The following ADGRB2 variants were observed in gnomAD, a reference collection of about 807,000 sequenced individuals.
The protein encoded by ADGRB2 is brain-specific angiogenesis inhibitor 2.
ADGRB2 carries 47 observed loss-of-function variants against 178.7 expected under a neutral mutation model. The observed-to-expected ratio is 0.26, with a 90% CI of 0.21 to 0.34. The LOEUF (loss-of-function observed/expected upper bound fraction) is 0.34, where lower values mean the gene tolerates loss of function less well. Among genes scored for constraint, ADGRB2 ranks in the 10% least tolerant of loss-of-function variants. The pLI is 1.00. For missense variants in ADGRB2, 1,584 were observed against 2,180.8 expected (o/e 0.73, Z 5.45); for synonymous variants, 870 against 912.4 (o/e 0.95, Z 0.84).
Position 31,735,869 on chromosome 1 carries a change from G to A in ADGRB2, c.3225C>T (p.Gly1075=), listed in dbSNP as rs773178898. Residue 1075 remains glycine (G), a synonymous_variant, in exon 23 of 33, where the codon GGC becomes GGT. Transcript: ENST00000373658. The surrounding 1 kb of genome is among the most constrained non-coding windows in gnomAD (Gnocchi z 6.0). ...CAGGGCCCACAAAGGCGTAGAGCAG[G>A]CCGCCCTCCAGGGAGAGCCAGCAGC... ...SSYCWLSLEG[G]LLYAFVGPAA... 5 of 1,605,214 alleles carry A rather than the reference G, an allele frequency of 3.1e-6. No individual in the cohort carries two copies. The highest frequency in any genetic ancestry group is 4.3e-6 in the Non-Finnish European group (5 of 1,175,820).
intron 15 of ADGRB2, 167 bp downstream of exon 15, chr1:31,739,141 G>A: frequency 1.1e-6 from 1 of 908,540 alleles, no homozygotes; most frequent in Non-Finnish European, 1.6e-6. Flanking sequence ...TCTGAGAGCA[G>A]TATGGATAAA....
rs936689527 is a variant in ADGRB2 at position 31,755,172 on chromosome 1, C to T, written c.838+827G>A. Among the ~76,000 whole-genome samples the T allele has an allele frequency of 1.3e-5, 2 of 152,232 alleles. No individual in the cohort carries two copies. Among genetic ancestry groups the T allele is most frequent in the African/African-American group, 4.8e-5 (2 of 41,460 alleles). ...TCCCTCCAGGTCTCCTGGTCAGTCC[C>T]CGGCCCAGCACTGTTCAGCGGGCAC... On this transcript the variant is annotated intron_variant, in intron 4 of 32. Coordinates refer to ENST00000373658, the MANE Select transcript of ADGRB2 (RefSeq NM_001364857.2). The surrounding 1 kb of genome is among the most constrained non-coding windows in gnomAD (Gnocchi z 5.1).
Position 31,738,197 on chromosome 1 carries a change from C to T in ADGRB2, c.2772+3G>A, listed in dbSNP as rs778174304. The stretch of plus-strand genomic sequence containing the variant: ...TCAGCCCAGGCACCTCTGTTCCACT[C>T]ACCAGGTCCTTGGGCGGCTGGGCTA... On this transcript the variant is annotated splice_donor_region_variant and intron_variant, in intron 18 of 32. Coordinates refer to ENST00000373658, the MANE Select transcript of ADGRB2 (RefSeq NM_001364857.2). 6.2e-7 allele frequency: 1 copy of T among 1,614,078 alleles called. No homozygotes were observed. Among genetic ancestry groups the T allele is most frequent in the South Asian group, 1.1e-5 (1 of 91,062 alleles).
At chr1:31,739,748 A>C in intron 14 of ADGRB2, 113 bp from the exon 15 acceptor site, 1 of 1,302,618 alleles carries the variant, frequency 7.7e-7, no homozygotes, top group Non-Finnish European at 1.1e-6. Context: ...GTAGATGTGG[A>C]CACCGAAGTT....
At chr1:31,737,372 C>A in intron 20 of ADGRB2, 57 bp downstream of exon 20, 2 of 1,501,092 alleles carry the variant, frequency 1.3e-6, no homozygotes, top group Non-Finnish European at 1.9e-6. Flanking sequence ...CTGCGCTCTC[C>A]ACCCTCACCC....
chr1:31,759,181 C>T lies in ADGRB2; in HGVS notation c.-190-1670G>A. The T allele has an allele frequency of 2.8e-6, 2 of 720,852 alleles. No individual in the cohort carries two copies. Among genetic ancestry groups the T allele is most frequent in the East Asian group, 2.5e-5 (1 of 40,592 alleles). 44.7% of individuals were successfully genotyped at this position (720,852 alleles called of 1,614,324 possible). On this transcript the variant is annotated intron_variant, in intron 1 of 32. Coordinates refer to ENST00000373658, the MANE Select transcript of ADGRB2 (RefSeq NM_001364857.2). This position sits in a 1 kb window ranked among gnomAD's most constrained non-coding sequence, Gnocchi z 4.3. Reference sequence around the variant, plus strand: ...CTGCATATGAATGGATACATATGTACACGGACATGCACACAGGTGAAACCC... The same window carrying T: ...CTGCATATGAATGGATACATATGTATACGGACATGCACACAGGTGAAACCC...
chr1:31,748,279 G>C (rs142146695), intron 4 of ADGRB2, among the ~76,000 whole-genome samples: 2 of 152,292 alleles, frequency 1.3e-5, no homozygotes, highest in East Asian at 1.9e-4. Context: ...TCCCTTTTCC[G>C]GCCTCCTGAG....
At position 31,741,738 on chromosome 1, in the gene ADGRB2, G is replaced by A; in HGVS notation, c.1586-13C>T. On this transcript the variant is annotated splice_polypyrimidine_tract_variant and intron_variant, in intron 9 of 32. Coordinates refer to ENST00000373658, the MANE Select transcript of ADGRB2 (RefSeq NM_001364857.2). The surrounding 1 kb of genome is among the most constrained non-coding windows in gnomAD (Gnocchi z 6.5). ...ATCTCATGGAAGGCTGTGGGTGCAG[G>A]GGTAAGGTTCAGCTGGGTCCACACA... The A allele has an allele frequency of 6.2e-7, 1 of 1,610,250 alleles. No homozygotes were observed. Among genetic ancestry groups the A allele is most frequent in the Non-Finnish European group, 8.5e-7 (1 of 1,177,172 alleles).
Position 31,740,393 on chromosome 1 carries a change from T to G in ADGRB2, c.1943A>C (p.Asp648Ala). The change falls in exon 12 of 33, where the codon GAC becomes GCC. Residue 648 changes from aspartate (D) to alanine (A), a missense_variant. Coordinates refer to ENST00000373658, the MANE Select transcript of ADGRB2 (RefSeq NM_001364857.2). The surrounding 1 kb of genome is among the most constrained non-coding windows in gnomAD (Gnocchi z 5.9). ...FSVDILRNVT[D>A]TFKRATYVPS... Reference sequence around the variant, plus strand: ...CACGTAGGTGGCCCTCTTAAAGGTGTCAGTGACATTCCTCAGAATGTCCAC... The same window carrying G: ...CACGTAGGTGGCCCTCTTAAAGGTGGCAGTGACATTCCTCAGAATGTCCAC... 1 of 1,613,964 alleles carries G rather than the reference T, an allele frequency of 6.2e-7. No individual in the cohort carries two copies. The highest frequency in any genetic ancestry group is 1.1e-5 in the South Asian group (1 of 91,062).
chr1:31,729,240 T>A (rs1011787371), intron 29 of ADGRB2, among the ~76,000 whole-genome samples: 2 of 152,088 alleles, frequency 1.3e-5, no homozygotes, highest in Non-Finnish European at 2.9e-5. Context: ...GGGAGACCCA[T>A]GAAGCCAAGG....
chr1:31,732,043 A>G (rs896641913), intron 28 of ADGRB2, 72 bp downstream of exon 28: 13 of 1,588,138 alleles, frequency 8.2e-6, no homozygotes, highest in Non-Finnish European at 1.1e-5. Context: ...AGGGCCTCCC[A>G]TGATGGGGCT....
chr1:31,735,107 C>T lies in ADGRB2; in HGVS notation c.3452+76G>A. On this transcript the variant is annotated intron_variant, in intron 25 of 32. Coordinates refer to ENST00000373658, the MANE Select transcript of ADGRB2 (RefSeq NM_001364857.2). This position sits in a 1 kb window ranked among gnomAD's most constrained non-coding sequence, Gnocchi z 6.0. ...CACTGGGCTGATATCCCTCCTCCTCCCCCCACCATGGGCACTGCCCCCCCC... is the reference window on the plus strand; with the variant it reads ...CACTGGGCTGATATCCCTCCTCCTCTCCCCACCATGGGCACTGCCCCCCCC... The T allele has an allele frequency of 3.4e-6, 4 of 1,177,124 alleles. No homozygotes were observed. In the South Asian group the frequency reaches 5.5e-5, roughly 16 times the overall value. The allele number at this position is 1,177,124 out of a possible 1,614,324, so 72.9% of individuals were successfully genotyped here.
rs759260250 is a variant in ADGRB2 at position 31,728,642 on chromosome 1, G to A, written c.4381-9C>T. On this transcript the variant is annotated splice_polypyrimidine_tract_variant and intron_variant, in intron 29 of 32. Transcript: ENST00000373658. This position sits in a 1 kb window ranked among gnomAD's most constrained non-coding sequence, Gnocchi z 6.7. ...TACCGTAATTTCTTTCGCTGGGAAG[G>A]AGCAACAAGGAGGCAATGGAGGAGA... The A allele has an allele frequency of 6.2e-7, 1 of 1,613,982 alleles. No homozygotes were observed. The highest frequency in any genetic ancestry group is 2.2e-5 in the East Asian group (1 of 44,866).
rs1175963360 is a variant in ADGRB2 at position 31,756,718 on chromosome 1, C to G, written c.119G>C (p.Cys40Ser). 1 of 1,596,364 alleles carries G rather than the reference C, an allele frequency of 6.3e-7. No individual in the cohort carries two copies. The highest frequency in any genetic ancestry group is 8.5e-7 in the Non-Finnish European group (1 of 1,172,180). The change falls in exon 4 of 33, where the codon TGC becomes TCC. Residue 40 changes from cysteine to serine, a missense_variant. This residue lies in a region of ADGRB2 where 657 missense variants were observed against 847.6 expected (regional missense o/e 0.78). Coordinates refer to ENST00000373658, the MANE Select transcript of ADGRB2 (RefSeq NM_001364857.2). This position sits in a 1 kb window ranked among gnomAD's most constrained non-coding sequence, Gnocchi z 8.5. ...ATAFDPAPSA[C>S]SALASGVLYG... ...GAGCACACCCGAGGCCAGGGCAGAG[C>G]AGGCACTGGGGGCGGGGTCGAAGGC...
chr1:31,764,061 A>T lies in ADGRB2; in HGVS notation c.-368T>A. The T allele has an allele frequency of 1.2e-5, 2 of 171,066 alleles. No individual in the cohort carries two copies. The highest frequency in any genetic ancestry group is 1.9e-5 in the Non-Finnish European group (2 of 107,126). The allele number at this position is 171,066 out of a possible 1,614,324, so 10.6% of individuals were successfully genotyped here. A position where few individuals can be genotyped will look rare whatever the true frequency, so the allele number is the denominator to read the frequency against. Reference sequence around the variant, plus strand: ...GGGTGCAGAAAAGGCGCCGCGGAGCAGCGCGGGGCGGGCGGGCGGGCGGCG... The same window carrying T: ...GGGTGCAGAAAAGGCGCCGCGGAGCTGCGCGGGGCGGGCGGGCGGGCGGCG... On this transcript the variant is annotated 5_prime_UTR_variant, in exon 1 of 33. Coordinates refer to ENST00000373658, the MANE Select transcript of ADGRB2 (RefSeq NM_001364857.2). This position sits in a 1 kb window ranked among gnomAD's most constrained non-coding sequence, Gnocchi z 7.3.
rs72887376 is a variant in ADGRB2 at position 31,744,874 on chromosome 1, C to A, written c.839-143G>T. On this transcript the variant is annotated intron_variant, in intron 4 of 32. Transcript: ENST00000373658. The surrounding 1 kb of genome is among the most constrained non-coding windows in gnomAD (Gnocchi z 6.7). ...TGCTCTCTCAGGATCACATTCTGCC[C>A]TCTGCCCCACCACCACTATTTCACA... The A allele has an allele frequency of 1.3e-3, 996 of 772,706 alleles. 3 individuals are homozygous for A. The African/African-American group carries it at 0.014, about 11-fold the overall frequency. The allele number at this position is 772,706 out of a possible 1,614,324, so 47.9% of individuals were successfully genotyped here. A position where few individuals can be genotyped will look rare whatever the true frequency, so the allele number is the denominator to read the frequency against.
chr1:31,735,160 G>A lies in ADGRB2; in HGVS notation c.3452+23C>T, dbSNP rs898770136. On this transcript the variant is annotated intron_variant, in intron 25 of 32. Coordinates refer to ENST00000373658, the MANE Select transcript of ADGRB2 (RefSeq NM_001364857.2). This position sits in a 1 kb window ranked among gnomAD's most constrained non-coding sequence, Gnocchi z 6.0. Reference sequence around the variant, plus strand: ...TTCCTTTGCCCCACCCACCCCCACCGCCCCCCAGGGGGCACGACTAACATG... The same window carrying A: ...TTCCTTTGCCCCACCCACCCCCACCACCCCCCAGGGGGCACGACTAACATG... The A allele has an allele frequency of 9.2e-5, 29 of 314,598 alleles. No homozygotes were observed. Among genetic ancestry groups the A allele is most frequent in the South Asian group, 4.2e-4 (4 of 9,494 alleles). The allele number at this position is 314,598 out of a possible 1,614,324, so 19.5% of individuals were successfully genotyped here. A position where few individuals can be genotyped will look rare whatever the true frequency, so the allele number is the denominator to read the frequency against.
In ADGRB2 at chr1:31,744,576, C is replaced by T. The variant is rs541922412; in HGVS notation, c.922+72G>A. ...CAGGACAGAGACAGACAGGCACACA[C>T]CAAGCACACACACCACCAGACGCAC... On this transcript the variant is annotated intron_variant, in intron 5 of 32. Coordinates refer to ENST00000373658, the MANE Select transcript of ADGRB2 (RefSeq NM_001364857.2). This position sits in a 1 kb window ranked among gnomAD's most constrained non-coding sequence, Gnocchi z 6.7. 684 of 1,554,928 alleles carry T rather than the reference C, an allele frequency of 4.4e-4. 7 individuals carry two copies. In the South Asian group the frequency reaches 7.6e-3, roughly 17 times the overall value.
At position 31,753,384 on chromosome 1, in the gene ADGRB2, C is replaced by T. The variant is rs1439029478; in HGVS notation, c.838+2615G>A. On this transcript the variant is annotated intron_variant, in intron 4 of 32. Coordinates refer to ENST00000373658, the MANE Select transcript of ADGRB2 (RefSeq NM_001364857.2). This position sits in a 1 kb window ranked among gnomAD's most constrained non-coding sequence, Gnocchi z 4.1. ...CCTGTACCCTCTTGTCAAACTCACT[C>T]GGCTCTGAGGCGTCCCAGGCACTCC... Among the ~76,000 whole-genome samples, 2 of 152,250 alleles carry T rather than the reference C, an allele frequency of 1.3e-5. No individual in the cohort carries two copies. Among genetic ancestry groups the T allele is most frequent in the African/African-American group, 2.4e-5 (1 of 41,472 alleles).
Sources: allele counts gnomAD v4.1 joint callset (sites outside exome capture counted in the v4.1 genomes callset), GRCh38; gene constraint gnomAD v4.1.1; regional missense constraint gnomAD v4.1.1; non-coding constraint Gnocchi (gnomAD v3.1); transcripts MANE v1.5; gene names NCBI Gene and HGNC (gene_info 2026-07-23, HGNC 2026-07-21).